Variants in MPP7 observed in about 807,000 individuals in gnomAD.
MPP7 encodes MAGUK p55 scaffold protein 7.
In MPP7, 60 loss-of-function variants were observed where a neutral mutation model predicts 76.5. The observed-to-expected ratio is 0.78, with a 90% CI of 0.64 to 0.97. The LOEUF (loss-of-function observed/expected upper bound fraction) is 0.97, where lower values mean the gene tolerates loss of function less well. Among genes scored for constraint, MPP7 ranks in the 50% least tolerant of loss-of-function variants. MPP7 has a pLI of 0.00. For synonymous variants in MPP7, 237 were observed against 244.5 expected (o/e 0.97, Z 0.29); for missense variants, 641 against 694.0 (o/e 0.92, Z 0.86).
chr10:28,095,596 C>T (rs1226642241), intron 11 of MPP7, among the ~76,000 whole-genome samples: 1 of 152,112 alleles, frequency 6.6e-6, no homozygotes, highest in Non-Finnish European at 1.5e-5. Context: ...TTAATCGTTT[C>T]TTGCCTTCAG....
chr10:28,275,410 C>CTTTTTTT (rs111692769), intron 1 of MPP7, among the ~76,000 whole-genome samples: 1 of 141,648 alleles, frequency 7.1e-6, no homozygotes, highest in Non-Finnish European at 1.5e-5. Context: ...CCTAATATTT[C>CTTTTTTT]TTTTTTTTTT....
chr10:28,333,905 C>T (rs1424351634), intron 1 of MPP7, among the ~76,000 whole-genome samples: 1 of 151,930 alleles, frequency 6.6e-6, no homozygotes, highest in Admixed American at 6.6e-5. Flanking sequence ...TAATAGTAGC[C>T]AAGGGGGCCG....
intron 5 of MPP7, among the ~76,000 whole-genome samples, chr10:28,141,047 C>A (rs554782861): frequency 1.3e-5 from 2 of 152,038 alleles, no homozygotes; most frequent in African/African-American, 4.8e-5. Flanking sequence ...ACATAAAAAT[C>A]TTCTTTTATC....
chr10:28,271,960 G>A (rs1041870398), intron 1 of MPP7, among the ~76,000 whole-genome samples: 1 of 152,180 alleles, frequency 6.6e-6, no homozygotes, highest in African/African-American at 2.4e-5. Context: ...GGGTGACAGA[G>A]CGAGACTCTG....
intron 3 of MPP7, among the ~76,000 whole-genome samples, chr10:28,165,153 A>C (rs1836405611): frequency 1.3e-5 from 2 of 152,276 alleles, no homozygotes; most frequent in East Asian, 3.9e-4. Flanking sequence ...TGGCCCCCAA[A>C]GATGTCTGCA....
intron 1 of MPP7, among the ~76,000 whole-genome samples, chr10:28,268,794 C>T (rs1196726242): frequency 6.6e-6 from 1 of 151,022 alleles, no homozygotes; most frequent in Non-Finnish European, 1.5e-5. Flanking sequence ...TGGCAGGCAC[C>T]TGTAGTACCA....
chr10:28,284,042 A>G (rs1840741185), intron 1 of MPP7, among the ~76,000 whole-genome samples: 1 of 152,204 alleles, frequency 6.6e-6, no homozygotes, highest in Non-Finnish European at 1.5e-5. Flanking sequence ...ATTAAGTGTA[A>G]GACACTGAAC....
At chr10:28,334,738 G>A (rs1834499728), upstream of MPP7, among the ~76,000 whole-genome samples, 1 of 152,172 alleles carries the variant, frequency 6.6e-6, no homozygotes, top group Non-Finnish European at 1.5e-5. Flanking sequence ...CCCTGGTGAT[G>A]GGAAATATTT....
rs565852054 is a variant in MPP7 at position 28,243,733 on chromosome 10, G to A, written c.-131-4998C>T. ...CAGTTTTTCTTCATATCCTTCAACCGGAACATACAGCAACAAAATGAAAGT... is the reference window on the plus strand; with the variant it reads ...CAGTTTTTCTTCATATCCTTCAACCAGAACATACAGCAACAAAATGAAAGT... On this transcript the variant is annotated intron_variant, in intron 1 of 16. Transcript: ENST00000683449. Among the ~76,000 whole-genome samples the A allele has an allele frequency of 3.6e-4, 54 of 151,834 alleles. 1 individual carries two copies. In the South Asian group the frequency reaches 0.011, roughly 30 times the overall value.
intron 11 of MPP7, among the ~76,000 whole-genome samples, chr10:28,103,244 GCACATGCA>G (rs976831659): frequency 6.6e-6 from 1 of 150,630 alleles, no homozygotes; most frequent in Non-Finnish European, 1.5e-5. Flanking sequence ...TGGGGCCTGT[GCACATGCA>G]TCCTGTCTTG....
intron 2 of MPP7, among the ~76,000 whole-genome samples, chr10:28,313,777 C>T (rs1841302936): frequency 1.3e-5 from 2 of 151,882 alleles, no homozygotes; most frequent in Non-Finnish European, 2.9e-5. Context: ...GCCTGAACTT[C>T]CTGGGTTCTG....
At chr10:28,095,951 C>T (rs1328595427) in intron 11 of MPP7, among the ~76,000 whole-genome samples, 3 of 152,176 alleles carry the variant, frequency 2.0e-5, no homozygotes, top group African/African-American at 7.2e-5. Context: ...TAGTTTATTA[C>T]AATAGGAAAG....
chr10:28,068,296 G>A (rs1300496130), intron 13 of MPP7, among the ~76,000 whole-genome samples: 1 of 151,554 alleles, frequency 6.6e-6, no homozygotes, highest in African/African-American at 2.4e-5. Flanking sequence ...ATGATTACAA[G>A]CAATAATTTA....
chr10:28,252,667 A>G (rs1839651167), intron 1 of MPP7, among the ~76,000 whole-genome samples: 1 of 147,634 alleles, frequency 6.8e-6, no homozygotes, highest in South Asian at 2.3e-4. Context: ...AGGCGTTAAA[A>G]GGCAACCAGA....
chr10:28,213,374 A>G (rs1428300120), intron 2 of MPP7, among the ~76,000 whole-genome samples: 1 of 152,126 alleles, frequency 6.6e-6, no homozygotes, highest in Non-Finnish European at 1.5e-5. Context: ...CAGATGCCCC[A>G]CGTGGGGCAA....
At chr10:28,234,951 T>C (rs1839021423) in intron 2 of MPP7, among the ~76,000 whole-genome samples, 1 of 152,140 alleles carries the variant, frequency 6.6e-6, no homozygotes, top group Non-Finnish European at 1.5e-5. Flanking sequence ...GCTGGAACTA[T>C]AGGCACATGC....
At chr10:28,217,153 A>C (rs1345268816) in intron 2 of MPP7, among the ~76,000 whole-genome samples, 1 of 152,096 alleles carries the variant, frequency 6.6e-6, no homozygotes, top group Non-Finnish European at 1.5e-5. Context: ...GGCTATATTA[A>C]TTATATAGGA....
chr10:28,299,826 CACG>C lies in MPP7; in HGVS notation c.-132+3032_-132+3034del, dbSNP rs1388075203. On this transcript the variant is annotated intron_variant, in intron 1 of 16. Coordinates refer to ENST00000683449, the MANE Select transcript of MPP7 (RefSeq NM_001318170.2). ...TGTGGCCCAGGCTGGAGTGCAGTGG[CACG>C]ATCTCAGCTTACTGCAAGCTCTGCC... Among the ~76,000 whole-genome samples the C allele has an allele frequency of 4.1e-5, 6 of 146,008 alleles. No individual in the cohort carries two copies. In the Admixed American group the frequency reaches 4.2e-4, roughly 10 times the overall value.
At chr10:28,094,100 ACT>A (rs1853449103) in intron 11 of MPP7, among the ~76,000 whole-genome samples, 1 of 151,992 alleles carries the variant, frequency 6.6e-6, no homozygotes, top group Non-Finnish European at 1.5e-5. Flanking sequence ...GCTGGAAGAA[ACT>A]CTGGAGGTCA....
Sources: gnomAD v4.1 joint callset for allele counts (sites outside exome capture counted in the v4.1 genomes callset) on GRCh38, gnomAD v4.1.1 for gene constraint, MANE v1.5 for transcripts, NCBI Gene and HGNC (gene_info 2026-07-23, HGNC 2026-07-21) for gene names.